SLC12A1: variants seen among roughly 807,000 people sequenced by gnomAD.
SLC12A1 encodes the protein Na-K-2Cl cotransporter.
In SLC12A1, 89 loss-of-function variants were observed where a neutral mutation model predicts 130.4. That is an observed-to-expected ratio of 0.68 (90% CI 0.58 to 0.81). The LOEUF (loss-of-function observed/expected upper bound fraction) is 0.81. Ranked by LOEUF, SLC12A1 falls within the 40% of genes least tolerant of loss-of-function variation. The pLI is 0.00. For synonymous variants in SLC12A1, 499 were observed against 460.0 expected, an observed-to-expected ratio of 1.08 and a Z score of -1.09; for missense variants, 1,310 against 1,336.4, an observed-to-expected ratio of 0.98 and a Z score of 0.31.
intron 2 of SLC12A1, among the ~76,000 whole-genome samples, chr15:48,212,965 C>A (rs79504481): frequency 0.021 from 3,195 of 152,272 alleles, 111 homozygotes; most frequent in African/African-American, 0.074. Context: ...AGACACTGTG[C>A]TCACACTTAA....
chr15:48,298,166 T>G (rs2042197442), intron 24 of SLC12A1, among the ~76,000 whole-genome samples: 1 of 152,314 alleles, frequency 6.6e-6, no homozygotes, highest in East Asian at 1.9e-4. Context: ...ACTTCTTGAC[T>G]TAACAGCATA....
At chr15:48,232,084 A>T (rs2041387546) in intron 7 of SLC12A1, among the ~76,000 whole-genome samples, 1 of 152,206 alleles carries the variant, frequency 6.6e-6, no homozygotes, top group Admixed American at 6.5e-5. Flanking sequence ...GGTAACTAAG[A>T]CTTAAAGGAT....
chr15:48,234,951 T>G lies in SLC12A1; in HGVS notation c.1162T>G (p.Phe388Val). 6.2e-7 allele frequency: 1 copy of G among 1,613,862 alleles called. No homozygotes were observed. The highest frequency in any genetic ancestry group is 8.5e-7 in the Non-Finnish European group (1 of 1,179,770). The change falls in exon 9 of 27, where the codon TTC (phenylalanine) becomes GTC (valine). Residue 388 changes from phenylalanine to valine, a missense_variant. By Grantham distance (50) the Phe-to-Val change is conservative. Coordinates refer to ENST00000380993, the MANE Select transcript of SLC12A1 (RefSeq NM_000338.3). ...EGFFSVFAIF[F>V]PAATGILAGA... is the part of the protein sequence containing the mutation. Reference sequence around the variant, plus strand: ...CTTCTTCTCTGTCTTTGCCATTTTTTTCCCAGCAGCTACTGGGATTCTTGC... The same window carrying G: ...CTTCTTCTCTGTCTTTGCCATTTTTGTCCCAGCAGCTACTGGGATTCTTGC...
intron 4 of SLC12A1, chr15:48,223,642 T>C (rs1047654318): frequency 1.3e-5 from 2 of 152,204 alleles, no homozygotes; most frequent in African/African-American, 2.4e-5. Flanking sequence ...TATGGTCCTG[T>C]AGAGTTTCTG....
At chr15:48,268,437 A>G (rs537488211) in intron 18 of SLC12A1, among the ~76,000 whole-genome samples, 6 of 152,272 alleles carry the variant, frequency 3.9e-5, no homozygotes, top group Non-Finnish European at 7.3e-5. Context: ...AATTATATAT[A>G]TATGAAATGG....
intron 2 of SLC12A1, among the ~76,000 whole-genome samples, chr15:48,210,933 A>C (rs1204518649): frequency 6.6e-6 from 1 of 152,150 alleles, no homozygotes; most frequent in Non-Finnish European, 1.5e-5. Flanking sequence ...CATTAGATAA[A>C]TGTAATAGCT....
At chr15:48,239,675 G>A (rs1198695754) in intron 9 of SLC12A1, among the ~76,000 whole-genome samples, 1 of 151,950 alleles carries the variant, frequency 6.6e-6, no homozygotes, top group Non-Finnish European at 1.5e-5. Flanking sequence ...TTTTGAGACA[G>A]TGTCTCACTC....
At chr15:48,252,448 G>A (rs567680143) in intron 15 of SLC12A1, among the ~76,000 whole-genome samples, 2 of 152,242 alleles carry the variant, frequency 1.3e-5, no homozygotes, top group African/African-American at 4.8e-5. Context: ...TTCTGTTTCT[G>A]ATGTCCTGAT....
chr15:48,288,427 T>C lies in SLC12A1; in HGVS notation c.2784T>C (p.Tyr928=). The C allele has an allele frequency of 1.3e-6, 2 of 1,526,448 alleles. No homozygotes were observed. Among genetic ancestry groups the C allele is most frequent in the South Asian group, 1.2e-5 (1 of 83,624 alleles). The allele number at this position is 1,526,448 out of a possible 1,614,324, so 94.6% of individuals were successfully genotyped here. Residue 928 remains tyrosine, a synonymous_variant, in exon 23 of 27, where the codon TAT becomes TAC. Transcript: ENST00000380993. Reference sequence around the variant, plus strand: ...CAGGGTTAACACTTCTTATCCCCTATATCTTAACTCTCAGAAAAAAATGGA... The same window carrying C: ...CAGGGTTAACACTTCTTATCCCCTACATCTTAACTCTCAGAAAAAAATGGA... ...DDGGLTLLIP[Y]ILTLRKKWKD...
intron 24 of SLC12A1, among the ~76,000 whole-genome samples, chr15:48,292,721 T>C (rs1356992557): frequency 6.6e-6 from 1 of 152,132 alleles, no homozygotes; most frequent in Non-Finnish European, 1.5e-5. Context: ...GTGGAAAGAA[T>C]TCTGCTGTCT....
chr15:48,225,965 C>T lies in SLC12A1; in HGVS notation c.629-511C>T, dbSNP rs906422725. The T allele has an allele frequency of 2.3e-5, 19 of 843,752 alleles. No homozygotes were observed. The African/African-American group carries it at 2.9e-4, about 13-fold the overall frequency. The allele number at this position is 843,752 out of a possible 1,614,324, so 52.3% of individuals were successfully genotyped here. A position where few individuals can be genotyped will look rare whatever the true frequency, so the allele number is the denominator to read the frequency against. On this transcript the variant is annotated intron_variant, in intron 4 of 26. Transcript: ENST00000380993. ...CAGAGGAGGTAATTAAACTTGTGAC[C>T]CGCACCATCATTTGTAAGGTAAAGG...
At chr15:48,293,497 T>A (rs1239263260) in intron 24 of SLC12A1, among the ~76,000 whole-genome samples, 1 of 152,190 alleles carries the variant, frequency 6.6e-6, no homozygotes, top group Non-Finnish European at 1.5e-5. Flanking sequence ...TTCTGTCAGA[T>A]CTCTTCCCTT....
intron 22 of SLC12A1, 61 bp from the exon 23 acceptor site, chr15:48,288,344 A>C: frequency 9.3e-7 from 1 of 1,078,314 alleles, no homozygotes; most frequent in Non-Finnish European, 1.4e-6. Flanking sequence ...AAAGATATAA[A>C]GCTATTCATT....
In SLC12A1 at chr15:48,247,607, T is replaced by C. The variant is rs1275796667; in HGVS notation, c.1684+147T>C. The C allele has an allele frequency of 1.7e-5, 11 of 653,734 alleles. No individual in the cohort carries two copies. In the East Asian group the frequency reaches 3.0e-4, roughly 18 times the overall value. 40.5% of individuals were successfully genotyped at this position (653,734 alleles called of 1,614,324 possible). On this transcript the variant is annotated intron_variant, in intron 13 of 26. Transcript: ENST00000380993. ...CATCTAAGAAGGAAATGAGAAATCC[T>C]TGTGTGTAGAGGGCCTTTGAGGAAC...
intron 13 of SLC12A1, among the ~76,000 whole-genome samples, chr15:48,248,219 C>T (rs1179791184): frequency 2.0e-5 from 3 of 152,164 alleles, no homozygotes. Context: ...GAGGGCTCCT[C>T]ATCATTACAT....
At chr15:48,275,209 T>G (rs2036860489) in intron 20 of SLC12A1, among the ~76,000 whole-genome samples, 1 of 152,208 alleles carries the variant, frequency 6.6e-6, no homozygotes, top group African/African-American at 2.4e-5. Context: ...CTTTTGTGTA[T>G]GAAATAAAGA....
intron 10 of SLC12A1, 53 bp downstream of exon 10, chr15:48,241,652 G>C (rs1357341317): frequency 1.6e-6 from 2 of 1,279,666 alleles, no homozygotes; most frequent in Non-Finnish European, 2.3e-6. Flanking sequence ...GGGTCCAGTT[G>C]TTCACGTCTA....
At chr15:48,236,305 A>AT (rs2141042116) in intron 9 of SLC12A1, among the ~76,000 whole-genome samples, 2 of 152,350 alleles carry the variant, frequency 1.3e-5, no homozygotes, top group East Asian at 3.9e-4. Flanking sequence ...ATCAGGGATG[A>AT]TTTTCTCAAG....
intron 20 of SLC12A1, among the ~76,000 whole-genome samples, chr15:48,278,158 T>TA (rs1426896596): frequency 6.6e-6 from 1 of 152,192 alleles, no homozygotes; most frequent in Non-Finnish European, 1.5e-5. Flanking sequence ...TTTGAGCACT[T>TA]ACGTGAACCC....
Sources: allele counts gnomAD v4.1 joint callset (sites outside exome capture counted in the v4.1 genomes callset), GRCh38; gene constraint gnomAD v4.1.1; transcripts MANE v1.5; gene names NCBI Gene and HGNC (gene_info 2026-07-23, HGNC 2026-07-21).